The following GRIN2A variants were observed in gnomAD, a reference collection of about 807,000 sequenced individuals.
The protein encoded by GRIN2A is glutamate ionotropic receptor NMDA type subunit 2A.
GRIN2A carries 22 observed loss-of-function variants against 113.4 expected under a neutral mutation model. That is an observed-to-expected ratio of 0.19 (90% CI 0.14 to 0.28). GRIN2A has a LOEUF of 0.28. Among genes scored for constraint, GRIN2A ranks in the 10% least tolerant of loss-of-function variants. The pLI is 1.00. For synonymous variants in GRIN2A, 827 were observed against 738.4 expected, an observed-to-expected ratio of 1.12 and a Z score of -1.94; for missense variants, 1,502 against 1,887.0, an observed-to-expected ratio of 0.80 and a Z score of 3.78.
At chr16:9,872,464 T>G (rs1407588482) in intron 4 of GRIN2A, among the ~76,000 whole-genome samples, 3 of 152,214 alleles carry the variant, frequency 2.0e-5, no homozygotes, top group Non-Finnish European at 4.4e-5. Flanking sequence ...CTAGCTTTTG[T>G]CCCCACTGAT....
At chr16:9,922,948 A>G (rs1476019876) in intron 3 of GRIN2A, among the ~76,000 whole-genome samples, 2 of 152,160 alleles carry the variant, frequency 1.3e-5, no homozygotes, top group Non-Finnish European at 1.5e-5. Flanking sequence ...CATTTGAAAA[A>G]TGTGTGTTCT....
chr16:9,924,110 C>CAAA (rs921695456), intron 3 of GRIN2A, among the ~76,000 whole-genome samples: 25 of 18,188 alleles, frequency 1.4e-3, no homozygotes, highest in African/African-American at 2.8e-3. Flanking sequence ...GACTTGGTCT[C>CAAA]AAAAAAAAAA....
At chr16:10,121,986 A>C (rs1456696801) in intron 2 of GRIN2A, among the ~76,000 whole-genome samples, 2 of 152,202 alleles carry the variant, frequency 1.3e-5, no homozygotes, top group African/African-American at 4.8e-5. Context: ...AAAGATTGCT[A>C]CTGGGTTCCT....
At chr16:9,974,199 T>C (rs1001100879) in intron 2 of GRIN2A, among the ~76,000 whole-genome samples, 6 of 152,246 alleles carry the variant, frequency 3.9e-5, no homozygotes, top group Admixed American at 1.3e-4. Flanking sequence ...TACGGTTTTA[T>C]ACTCAGAAAA....
At chr16:10,039,645 G>A (rs918188536) in intron 2 of GRIN2A, among the ~76,000 whole-genome samples, 4 of 151,674 alleles carry the variant, frequency 2.6e-5, no homozygotes, top group African/African-American at 9.7e-5. Context: ...GGGAGGGTCC[G>A]CACCCGGGAG....
intron 2 of GRIN2A, among the ~76,000 whole-genome samples, chr16:10,087,257 T>C (rs1596491473): frequency 6.6e-6 from 1 of 152,232 alleles, no homozygotes; most frequent in Non-Finnish European, 1.5e-5. Context: ...ATAAGGAATG[T>C]AATAGATTAT....
intron 8 of GRIN2A, among the ~76,000 whole-genome samples, chr16:9,829,974 G>A (rs2042459109): frequency 6.6e-6 from 1 of 152,168 alleles, no homozygotes; most frequent in Non-Finnish European, 1.5e-5. Flanking sequence ...CCCATTTGAG[G>A]AAACCAGCCT....
chr16:10,103,980 C>A (rs1409039412), intron 2 of GRIN2A, among the ~76,000 whole-genome samples: 1 of 152,204 alleles, frequency 6.6e-6, no homozygotes, highest in Non-Finnish European at 1.5e-5. Context: ...CAGCCTGTAC[C>A]TCCCTTAGTC....
intron 11 of GRIN2A, among the ~76,000 whole-genome samples, chr16:9,787,003 C>A (rs960890149): frequency 6.6e-6 from 1 of 152,112 alleles, no homozygotes; most frequent in African/African-American, 2.4e-5. Context: ...GGCTTAGTTT[C>A]CAACTTTGGC....
intron 2 of GRIN2A, among the ~76,000 whole-genome samples, chr16:10,105,020 C>CA (rs1410209015): frequency 6.6e-6 from 1 of 152,128 alleles, no homozygotes; most frequent in African/African-American, 2.4e-5. Context: ...ATTCGTTACA[C>CA]AAAAAAGTCT....
intron 2 of GRIN2A, among the ~76,000 whole-genome samples, chr16:10,037,554 C>A (rs1430858542): frequency 2.0e-5 from 3 of 152,210 alleles, no homozygotes; most frequent in African/African-American, 4.8e-5. Context: ...AAAGTCTAAA[C>A]CCCTTAGCAT....
At position 9,948,185 on chromosome 16, in the gene GRIN2A, C is replaced by T. The variant is rs560200051; in HGVS notation, c.415-9634G>A. Among the ~76,000 whole-genome samples, 18 of 152,230 alleles carry T rather than the reference C, an allele frequency of 1.2e-4. No individual in the cohort carries two copies. The East Asian group carries it at 1.9e-3, about 16-fold the overall frequency. On this transcript the variant is annotated intron_variant, in intron 2 of 12. Coordinates refer to ENST00000330684, the MANE Select transcript of GRIN2A (RefSeq NM_001134407.3). ...TCCTGGACAAATCAGGACAATCAGTCGATCACACAGAGATCTTCAAGTGCA... is the reference window on the plus strand; with the variant it reads ...TCCTGGACAAATCAGGACAATCAGTTGATCACACAGAGATCTTCAAGTGCA...
chr16:9,809,114 C>A lies in GRIN2A; in HGVS notation c.2169-10650G>T, dbSNP rs569073534. On this transcript the variant is annotated intron_variant, in intron 10 of 12. Transcript: ENST00000330684. ...AGAATAAAATTTTATTCTGTGTGGA[C>A]ATATATTAATATATACAAATGCAGA... 3.9e-5 allele frequency among the ~76,000 whole-genome samples: 6 copies of A among 151,946 alleles called. No homozygotes were observed. In the South Asian group the frequency reaches 1.2e-3, roughly 32 times the overall value.
chr16:9,790,037 A>C (rs1023854102), intron 11 of GRIN2A, among the ~76,000 whole-genome samples: 2 of 152,194 alleles, frequency 1.3e-5, no homozygotes, highest in African/African-American at 4.8e-5. Context: ...GAAATAAACA[A>C]AGCACATGTT....
At chr16:9,974,329 C>T (rs542989627) in intron 2 of GRIN2A, among the ~76,000 whole-genome samples, 3 of 152,196 alleles carry the variant, frequency 2.0e-5, no homozygotes, top group African/African-American at 4.8e-5. Context: ...AGTTAAAGAT[C>T]GACCCCTGAC....
intron 2 of GRIN2A, among the ~76,000 whole-genome samples, chr16:9,975,291 T>A (rs1172411134): frequency 1.3e-5 from 2 of 152,156 alleles, no homozygotes; most frequent in Admixed American, 6.6e-5. Flanking sequence ...ATGAAAAAAG[T>A]GATTATGGAC....
rs773027110 is a variant in GRIN2A at position 9,938,204 on chromosome 16, G to A, written c.762C>T (p.Phe254=). ...RSLGLTGYDF[F]WIVPSLVSGN... ...CAGAGACCAAGCTGGGGACAATCCAGAAGAAATCATACCCGGTGAGGCCAA... is the reference window on the plus strand; with the variant it reads ...CAGAGACCAAGCTGGGGACAATCCAAAAGAAATCATACCCGGTGAGGCCAA... The change falls in exon 3 of 13, where the codon TTC becomes TTT. Residue 254 remains phenylalanine (F), a synonymous_variant. Coordinates refer to ENST00000330684, the MANE Select transcript of GRIN2A (RefSeq NM_001134407.3). 1.9e-6 allele frequency: 3 copies of A among 1,614,136 alleles called. No individual in the cohort carries two copies. The highest frequency in any genetic ancestry group is 1.7e-6 in the Non-Finnish European group (2 of 1,179,956).
At position 10,041,947 on chromosome 16, in the gene GRIN2A, G is replaced by A. The variant is rs77375188; in HGVS notation, c.415-103396C>T. Among the ~76,000 whole-genome samples, 1,481 of 152,112 alleles carry A rather than the reference G, an allele frequency of 9.7e-3. 20 individuals are homozygous for A. Among genetic ancestry groups the A allele is most frequent in the African/African-American group, 0.034 (1,404 of 41,478 alleles). ...GCTTTGTATATCGCAATATAGTCCC[G>A]GTGCATCTTACACTCCCTTTACACC... On this transcript the variant is annotated intron_variant, in intron 2 of 12. Coordinates refer to ENST00000330684, the MANE Select transcript of GRIN2A (RefSeq NM_001134407.3).
In GRIN2A at chr16:9,756,878, C is replaced by T. The variant is rs944808536; in HGVS notation, c.*6271G>A. ...TGAAATACACCTCTATTCCTTTTGC[C>T]ATCTCTTTGCCCCGTTTTCTCTCTA... is the stretch of plus-strand genomic sequence containing the variant. On this transcript the variant is annotated 3_prime_UTR_variant, in exon 13 of 13. Transcript: ENST00000330684. The T allele has an allele frequency of 1.6e-5, 3 of 184,614 alleles. No individual in the cohort carries two copies. The highest frequency in any genetic ancestry group is 2.3e-5 in the African/African-American group (1 of 42,592). The allele number at this position is 184,614 out of a possible 1,614,324, so 11.4% of individuals were successfully genotyped here. A position where few individuals can be genotyped will look rare whatever the true frequency, so the allele number is the denominator to read the frequency against.
Sources: allele counts gnomAD v4.1 joint callset (sites outside exome capture counted in the v4.1 genomes callset), GRCh38; gene constraint gnomAD v4.1.1; transcripts MANE v1.5; gene names NCBI Gene and HGNC (gene_info 2026-07-23, HGNC 2026-07-21).